The following CDA variants were observed in gnomAD, a reference collection of about 807,000 sequenced individuals.
The protein encoded by CDA is cytidine aminohydrolase.
A neutral mutation model predicts 15.0 loss-of-function variants in CDA; 7 were observed. That is an observed-to-expected ratio of 0.47 (90% CI 0.26 to 0.87). CDA has a LOEUF of 0.87. Ranked by LOEUF, CDA falls within the 40% of genes least tolerant of loss-of-function variation. The pLI, the probability that CDA is intolerant of heterozygous loss-of-function variation, is 0.15. For missense variants in CDA, 159 were observed against 182.7 expected, an observed-to-expected ratio of 0.87 and a Z score of 0.75; for synonymous variants, 58 against 73.0, an observed-to-expected ratio of 0.79 and a Z score of 1.05.
intron 3 of CDA, among the ~76,000 whole-genome samples, chr1:20,614,889 T>A (rs2052787480): frequency 2.7e-5 from 4 of 150,662 alleles, no homozygotes; most frequent in Admixed American, 2.0e-4. Context: ...TGAGACGGAG[T>A]CTCACTCTGT....
intron 1 of CDA, among the ~76,000 whole-genome samples, chr1:20,593,917 G>T (rs1392515516): frequency 6.6e-6 from 1 of 152,156 alleles, no homozygotes; most frequent in African/African-American, 2.4e-5. Flanking sequence ...GTGAGGCCAG[G>T]TGCAGAATAG....
At chr1:20,606,300 A>G (rs539293134) in intron 2 of CDA, among the ~76,000 whole-genome samples, 3 of 151,994 alleles carry the variant, frequency 2.0e-5, no homozygotes, top group Non-Finnish European at 2.9e-5. Context: ...ACGCCTCTGC[A>G]TTCCAGCCTG....
intron 1 of CDA, among the ~76,000 whole-genome samples, chr1:20,594,585 C>T (rs2052575376): frequency 6.6e-6 from 1 of 151,848 alleles, no homozygotes; most frequent in Non-Finnish European, 1.5e-5. Flanking sequence ...ATCAGGAGTT[C>T]GAGACCAGCC....
rs920893654 is a variant in CDA, at chr1:20,618,865, G to A, written c.*297G>A. The A allele has an allele frequency of 2.5e-6, 1 of 399,566 alleles. No individual in the cohort carries two copies. Among genetic ancestry groups the A allele is most frequent in the Admixed American group, 3.6e-5 (1 of 27,580 alleles). 24.8% of individuals were successfully genotyped at this position (399,566 alleles called of 1,614,324 possible). A position where few individuals can be genotyped will look rare whatever the true frequency, so the allele number is the denominator to read the frequency against. On this transcript the variant is annotated 3_prime_UTR_variant, in exon 4 of 4. Transcript: ENST00000375071. ...TTCCCAAGGTTCTATCCTGTTCCGA[G>A]CAACTTTTCTAATTATAAACATCAC...
intron 2 of CDA, among the ~76,000 whole-genome samples, chr1:20,611,785 T>C (rs1168757110): frequency 6.6e-6 from 1 of 152,260 alleles, no homozygotes; most frequent in African/African-American, 2.4e-5. Context: ...GCTTCTTCAG[T>C]GCAAGGAGCC....
intron 1 of CDA, among the ~76,000 whole-genome samples, chr1:20,604,493 C>CT (rs1430221430): frequency 1.3e-5 from 2 of 152,178 alleles, no homozygotes; most frequent in African/African-American, 4.8e-5. Flanking sequence ...AATACCATCA[C>CT]TTTGGGGGCT....
intron 1 of CDA, among the ~76,000 whole-genome samples, chr1:20,590,697 T>G (rs979121667): frequency 2.6e-5 from 4 of 152,178 alleles, no homozygotes; most frequent in African/African-American, 7.2e-5. Context: ...GCAGGAGCTG[T>G]GTCTTGAATC....
intron 2 of CDA, among the ~76,000 whole-genome samples, chr1:20,607,903 C>G (rs1012727625): frequency 1.3e-5 from 2 of 152,168 alleles, no homozygotes; most frequent in African/African-American, 4.8e-5. Flanking sequence ...GGAGACCGCA[C>G]TCAGGAAAGG....
At chr1:20,616,897 A>T (rs2052818274) in intron 3 of CDA, among the ~76,000 whole-genome samples, 1 of 152,212 alleles carries the variant, frequency 6.6e-6, no homozygotes, top group African/African-American at 2.4e-5. Context: ...TTGGTGATTC[A>T]GAGAGAAGTG....
intron 1 of CDA, among the ~76,000 whole-genome samples, chr1:20,590,661 T>C (rs2052539413): frequency 1.3e-5 from 2 of 152,212 alleles, no homozygotes; most frequent in African/African-American, 4.8e-5. Context: ...TATCTGCCTC[T>C]CCCTTGGGAC....
At chr1:20,600,107 C>T (rs2052627996) in intron 1 of CDA, among the ~76,000 whole-genome samples, 1 of 152,202 alleles carries the variant, frequency 6.6e-6, no homozygotes, top group Non-Finnish European at 1.5e-5. Flanking sequence ...TGGCCTATTA[C>T]ATGTTTTACA....
chr1:20,611,376 G>A (rs1270117798), intron 2 of CDA, among the ~76,000 whole-genome samples: 1 of 152,164 alleles, frequency 6.6e-6, no homozygotes, highest in Non-Finnish European at 1.5e-5. Flanking sequence ...AAAGGCACTT[G>A]TTTGTTTTGT....
At position 20,610,273 on chromosome 1, in the gene CDA, TA is replaced by T. The variant is rs1235770372; in HGVS notation, c.267-3568del. Reference sequence around the variant, plus strand: ...AGGCACACATTATCTTTTTTTTTTTTATTTTATTTTATTTTTATTTTTATTT... The same window carrying T: ...AGGCACACATTATCTTTTTTTTTTTTTTTTATTTTATTTTTATTTTTATTT... On this transcript the variant is annotated intron_variant, in intron 2 of 3. Transcript: ENST00000375071. 4.3e-3 allele frequency among the ~76,000 whole-genome samples: 567 copies of T among 132,280 alleles called. 7 individuals carry two copies. The highest frequency in any genetic ancestry group is 5.2e-3 in the African/African-American group (188 of 36,460). 86.8% of individuals were successfully genotyped at this position (132,280 alleles called of 152,430 possible). A position where few individuals can be genotyped will look rare whatever the true frequency, so the allele number is the denominator to read the frequency against.
chr1:20,612,316 G>T (rs1167936399), intron 2 of CDA, among the ~76,000 whole-genome samples: 2 of 152,068 alleles, frequency 1.3e-5, no homozygotes, highest in African/African-American at 4.8e-5. Flanking sequence ...CAAGCTAAGC[G>T]GTCTTAACCC....
Position 20,618,591 on chromosome 1 carries a change from T to C in CDA, c.*23T>C. 1 of 1,352,756 alleles carries C rather than the reference T, an allele frequency of 7.4e-7. No homozygotes were observed. Among genetic ancestry groups the C allele is most frequent in the Non-Finnish European group, 1.1e-6 (1 of 941,040 alleles). The allele number at this position is 1,352,756 out of a possible 1,614,324, so 83.8% of individuals were successfully genotyped here. On this transcript the variant is annotated 3_prime_UTR_variant, in exon 4 of 4. Coordinates refer to ENST00000375071, the MANE Select transcript of CDA (RefSeq NM_001785.3). ...TGACAGCCAGAGAATGCCCACTGCCTGTAACAGCCACCTGGAGAACTTCAT... is the reference window on the plus strand; with the variant it reads ...TGACAGCCAGAGAATGCCCACTGCCCGTAACAGCCACCTGGAGAACTTCAT...
intron 1 of CDA, among the ~76,000 whole-genome samples, chr1:20,602,221 A>C (rs1454865272): frequency 1.3e-5 from 2 of 151,936 alleles, no homozygotes; most frequent in Non-Finnish European, 2.9e-5. Flanking sequence ...CAGTGACTCA[A>C]ACAAGATGTG....
At chr1:20,597,670 T>C (rs1215238329) in intron 1 of CDA, among the ~76,000 whole-genome samples, 1 of 152,226 alleles carries the variant, frequency 6.6e-6, no homozygotes, top group Non-Finnish European at 1.5e-5. Flanking sequence ...ACTATGATCG[T>C]AGTATTATTT....
At chr1:20,607,972 T>A (rs1462813498) in intron 2 of CDA, among the ~76,000 whole-genome samples, 1 of 152,192 alleles carries the variant, frequency 6.6e-6, no homozygotes, top group East Asian at 1.9e-4. Flanking sequence ...CCAGCTGTAG[T>A]GATCAGAGTC....
intron 1 of CDA, among the ~76,000 whole-genome samples, chr1:20,592,235 C>T (rs1301636186): frequency 1.3e-5 from 2 of 152,160 alleles, no homozygotes; most frequent in South Asian, 2.1e-4. Flanking sequence ...TGGCACGACA[C>T]GGCATGGCAG....
Sources: gnomAD v4.1 joint callset for allele counts (sites outside exome capture counted in the v4.1 genomes callset) on GRCh38, gnomAD v4.1.1 for gene constraint, MANE v1.5 for transcripts, NCBI Gene and HGNC (gene_info 2026-07-23, HGNC 2026-07-21) for gene names.